Variants in CHUK observed in about 807,000 individuals in gnomAD.
The protein encoded by CHUK is inhibitor of nuclear factor kappa-B kinase subunit alpha.
A neutral mutation model predicts 104.8 loss-of-function variants in CHUK; 35 were observed. The ratio of observed to expected loss-of-function variants is 0.33; its 90% confidence interval spans 0.26 to 0.44. The LOEUF (loss-of-function observed/expected upper bound fraction) is 0.44. Ranked by LOEUF, CHUK falls within the 20% of genes least tolerant of loss-of-function variation. The pLI, the probability that CHUK is intolerant of heterozygous loss-of-function variation, is 1.00. For synonymous variants in CHUK, 276 were observed against 291.9 expected (o/e 0.95, Z 0.56); for missense variants, 663 against 902.7 (o/e 0.73, Z 3.40).
chr10:100,225,999 C>T lies in CHUK; in HGVS notation c.124G>A (p.Ala42Thr), dbSNP rs1279667938. The change falls in exon 2 of 21, where the codon GCA becomes ACA. Residue 42 changes from alanine to threonine, a missense_variant. Around this residue, in one of 5 missense-constraint regions of CHUK, gnomAD observed 200 missense variants for 333.0 expected, o/e 0.60. Coordinates refer to ENST00000370397, the MANE Select transcript of CHUK (RefSeq NM_001278.5). ...AGCTCTAGGCGACAAGACTTAATTG[C>T]TATTTTGAGATCAAGTTCCTGCCAA... ...YQHRELDLKI[A>T]IKSCRLELST... is the part of the protein sequence containing the mutation. 4 of 1,602,748 alleles carry T rather than the reference C, an allele frequency of 2.5e-6. No individual in the cohort carries two copies. The highest frequency in any genetic ancestry group is 3.4e-6 in the Non-Finnish European group (4 of 1,170,124).
At position 100,193,369 on chromosome 10, in the gene CHUK, T is replaced by C. The variant is rs758729718; in HGVS notation, c.2037A>G (p.Thr679=). ...CTGAAGTCGGGGGCAGCCATGCTGA[T>C]GTCTGAGGGGTTACTGCACCTTCTA... ...SSLEGAVTPQ[T]SAWLPPTSAE... Residue 679 remains threonine (T), a synonymous_variant, in exon 19 of 21, where the codon ACA becomes ACG. Transcript: ENST00000370397. 1 of 1,614,194 alleles carries C rather than the reference T, an allele frequency of 6.2e-7. No homozygotes were observed. The highest frequency in any genetic ancestry group is 1.1e-5 in the South Asian group (1 of 91,090).
intron 9 of CHUK, among the ~76,000 whole-genome samples, chr10:100,215,127 C>T (rs1171143970): frequency 1.4e-5 from 2 of 144,484 alleles, no homozygotes. Context: ...CCCAGCTACT[C>T]GGGAGGCTGA....
intron 20 of CHUK, chr10:100,189,992 A>G (rs1485414876): frequency 5.3e-6 from 1 of 188,780 alleles, no homozygotes; most frequent in African/African-American, 2.4e-5. Flanking sequence ...GACTACAGGT[A>G]CATGTCATAT....
At chr10:100,190,617 G>A (rs1466514300) in intron 20 of CHUK, 13 of 505,498 alleles carry the variant, frequency 2.6e-5, no homozygotes. Flanking sequence ...GTCACATTGT[G>A]AAGAAGCTTA....
intron 3 of CHUK, among the ~76,000 whole-genome samples, chr10:100,222,510 A>G (rs1846014037): frequency 6.6e-6 from 1 of 152,242 alleles, no homozygotes; most frequent in Non-Finnish European, 1.5e-5. Context: ...AAGCACCTTA[A>G]CCACTGAAAT....
intron 2 of CHUK, among the ~76,000 whole-genome samples, chr10:100,223,303 A>C (rs1846031967): frequency 6.6e-6 from 1 of 152,220 alleles, no homozygotes; most frequent in African/African-American, 2.4e-5. Flanking sequence ...AGAAAATTGA[A>C]GCACAAATTG....
chr10:100,197,012 C>G (rs1186970370), intron 16 of CHUK, among the ~76,000 whole-genome samples: 2 of 152,128 alleles, frequency 1.3e-5, no homozygotes, highest in Non-Finnish European at 2.9e-5. Context: ...TTTTTTGGCC[C>G]TGAGCATATG....
rs751654432 is a variant in CHUK, at chr10:100,202,157, A to G, written c.1508-8T>C. The G allele has an allele frequency of 6.3e-7, 1 of 1,599,316 alleles. No individual in the cohort carries two copies. Among genetic ancestry groups the G allele is most frequent in the Non-Finnish European group, 8.6e-7 (1 of 1,167,194 alleles). ...TTAGCATTTTTTCTGAAGCTAAAAGAAAAGTCTAAATTGGTTATCTCAGAA... is the reference window on the plus strand; with the variant it reads ...TTAGCATTTTTTCTGAAGCTAAAAGGAAAGTCTAAATTGGTTATCTCAGAA... On this transcript the variant is annotated splice_polypyrimidine_tract_variant and splice_region_variant and intron_variant, in intron 13 of 20. Coordinates refer to ENST00000370397, the MANE Select transcript of CHUK (RefSeq NM_001278.5).
intron 19 of CHUK, among the ~76,000 whole-genome samples, chr10:100,191,260 C>T (rs922990885): frequency 1.3e-5 from 2 of 152,152 alleles, no homozygotes; most frequent in African/African-American, 4.8e-5. Context: ...CTTGTTTTTC[C>T]CGTGAAAATG....
At chr10:100,206,440 T>C (rs541087870) in intron 11 of CHUK, among the ~76,000 whole-genome samples, 2 of 151,988 alleles carry the variant, frequency 1.3e-5, no homozygotes, top group South Asian at 2.1e-4. Context: ...CTCTGTACTA[T>C]CTGCCCAATT....
In CHUK at chr10:100,218,134, G is replaced by C. The variant is rs1845901691; in HGVS notation, c.798-4C>G. 11 of 1,606,242 alleles carry C rather than the reference G, an allele frequency of 6.8e-6. No individual in the cohort carries two copies. Among genetic ancestry groups the C allele is most frequent in the South Asian group, 3.3e-5 (3 of 90,970 alleles). On this transcript the variant is annotated splice_polypyrimidine_tract_variant and splice_region_variant and intron_variant, in intron 8 of 20. Coordinates refer to ENST00000370397, the MANE Select transcript of CHUK (RefSeq NM_001278.5). ...TTCCATGGGTTCTACTACTAAACTA[G>C]AAAACATACAAAATAGGGTGAAAAT...
In CHUK at chr10:100,220,575, A is replaced by G; in HGVS notation, c.474+13T>C. 1.9e-6 allele frequency: 3 copies of G among 1,554,940 alleles called. No individual in the cohort carries two copies. Among genetic ancestry groups the G allele is most frequent in the Middle Eastern group, 1.7e-4 (1 of 5,942 alleles). On this transcript the variant is annotated intron_variant, in intron 5 of 20. Transcript: ENST00000370397. ...TTCAATAGGCATGAAACATTACTTC[A>G]GGTTTCACCTACCTTTCCACCAACA... is the stretch of plus-strand genomic sequence containing the variant.
chr10:100,222,844 C>T, intron 3 of CHUK, 22 bp downstream of exon 3: 1 of 1,091,436 alleles, frequency 9.2e-7, no homozygotes, highest in Middle Eastern at 2.0e-4. Flanking sequence ...TACTCTCTCT[C>T]ATCTCAAAAC....
chr10:100,191,243 T>G (rs964407260), intron 19 of CHUK, among the ~76,000 whole-genome samples: 1 of 152,234 alleles, frequency 6.6e-6, no homozygotes, highest in African/African-American at 2.4e-5. Flanking sequence ...GATGCACTTA[T>G]GTACAACTTG....
intron 9 of CHUK, among the ~76,000 whole-genome samples, chr10:100,210,851 A>T (rs1424464653): frequency 6.6e-6 from 1 of 152,222 alleles, no homozygotes; most frequent in Non-Finnish European, 1.5e-5. Flanking sequence ...TGTGAGGCTG[A>T]GTCAGGTGGG....
In CHUK at chr10:100,215,532, A is replaced by AT. The variant is rs558731506; in HGVS notation, c.933+2462_933+2463insA. Reference sequence around the variant, plus strand: ...GGGGCGTGAAAGAGGAGGCAAAAAAAAATAATAATTAAATGCTACTGTTTC... The same window carrying AT: ...GGGGCGTGAAAGAGGAGGCAAAAAAATAATAATAATTAAATGCTACTGTTTC... On this transcript the variant is annotated intron_variant, in intron 9 of 20. Coordinates refer to ENST00000370397, the MANE Select transcript of CHUK (RefSeq NM_001278.5). Among the ~76,000 whole-genome samples the AT allele has an allele frequency of 5.9e-3, 903 of 152,298 alleles. 14 individuals carry two copies. The highest frequency in any genetic ancestry group is 0.021 in the African/African-American group (865 of 41,550).
chr10:100,224,476 G>A (rs558275150), intron 2 of CHUK, among the ~76,000 whole-genome samples: 62 of 152,068 alleles, frequency 4.1e-4, no homozygotes, highest in African/African-American at 1.4e-3. Context: ...AGACGGAGTC[G>A]CCCAGGCTGG....
At chr10:100,199,552 C>T (rs1845415337) in intron 16 of CHUK, among the ~76,000 whole-genome samples, 2 of 152,208 alleles carry the variant, frequency 1.3e-5, no homozygotes, top group Admixed American at 1.3e-4. Context: ...GTTTTGAACT[C>T]CTGACCTCAG....
chr10:100,191,338 C>G (rs1197129475), intron 19 of CHUK, among the ~76,000 whole-genome samples: 2 of 152,234 alleles, frequency 1.3e-5, no homozygotes, highest in East Asian at 3.8e-4. Context: ...AAATACTTCT[C>G]TTTCCTTAAA....
Sources: allele counts gnomAD v4.1 joint callset (sites outside exome capture counted in the v4.1 genomes callset), GRCh38; gene constraint gnomAD v4.1.1; regional missense constraint gnomAD v4.1.1; transcripts MANE v1.5; gene names NCBI Gene and HGNC (gene_info 2026-07-23, HGNC 2026-07-21).